The following ASAP1 variants were observed in gnomAD, a reference collection of about 807,000 sequenced individuals.
The protein encoded by ASAP1 is arf-GAP with SH3 domain, ANK repeat and PH domain-containing protein 1.
ASAP1 carries 43 observed loss-of-function variants against 145.2 expected under a neutral mutation model. The observed-to-expected ratio is 0.30, with a 90% CI of 0.23 to 0.38. The LOEUF (loss-of-function observed/expected upper bound fraction) is 0.38, where lower values mean the gene tolerates loss of function less well. Among genes scored for constraint, ASAP1 ranks in the 10% least tolerant of loss-of-function variants. The pLI is 1.00. For missense variants in ASAP1, 1,018 were observed against 1,355.3 expected (o/e 0.75, Z 3.91); for synonymous variants, 546 against 515.5 (o/e 1.06, Z -0.80).
At chr8:130,228,685 A>G (rs535624733) in intron 4 of ASAP1, among the ~76,000 whole-genome samples, 11 of 148,462 alleles carry the variant, frequency 7.4e-5, no homozygotes, top group Admixed American at 1.4e-4. Flanking sequence ...TGGGCAACAG[A>G]GTGAGACCCT....
intron 23 of ASAP1, among the ~76,000 whole-genome samples, chr8:130,114,700 T>C (rs977717496): frequency 6.6e-6 from 1 of 152,174 alleles, no homozygotes; most frequent in South Asian, 2.1e-4. Flanking sequence ...AATGTTATTA[T>C]ACAGTGCATG....
At chr8:130,264,867 T>C (rs1025267871) in intron 3 of ASAP1, among the ~76,000 whole-genome samples, 6 of 152,026 alleles carry the variant, frequency 3.9e-5, no homozygotes, top group Non-Finnish European at 8.8e-5. Flanking sequence ...AGGGAGAATG[T>C]CCTGGAGAAG....
chr8:130,241,457 T>A (rs1818523089), intron 3 of ASAP1, among the ~76,000 whole-genome samples: 1 of 152,132 alleles, frequency 6.6e-6, no homozygotes, highest in Non-Finnish European at 1.5e-5. Context: ...AGTCCTAGTG[T>A]CTAGCACACA....
intron 4 of ASAP1, among the ~76,000 whole-genome samples, chr8:130,232,530 T>C (rs1817966849): frequency 6.6e-6 from 1 of 152,138 alleles, no homozygotes; most frequent in South Asian, 2.1e-4. Context: ...TTGTGTTGTT[T>C]TTTAAAATGT....
chr8:130,316,528 T>C (rs2137602430), intron 3 of ASAP1, among the ~76,000 whole-genome samples: 1 of 152,370 alleles, frequency 6.6e-6, no homozygotes, highest in African/African-American at 2.4e-5. Flanking sequence ...TCAAATGTGG[T>C]CAATAAATAC....
intron 1 of ASAP1, among the ~76,000 whole-genome samples, chr8:130,420,634 C>G (rs1276274751): frequency 6.6e-6 from 1 of 152,108 alleles, no homozygotes; most frequent in Non-Finnish European, 1.5e-5. Flanking sequence ...TGGCTCACAC[C>G]TGTAATCCCA....
chr8:130,086,518 T>C lies in ASAP1; in HGVS notation c.2572+5455A>G, dbSNP rs6982661. Among the ~76,000 whole-genome samples the C allele has an allele frequency of 5.3e-3, 811 of 152,338 alleles. 7 individuals carry two copies. The highest frequency in any genetic ancestry group is 0.019 in the African/African-American group (784 of 41,590). On this transcript the variant is annotated intron_variant, in intron 25 of 29. Transcript: ENST00000518721. ...AAGCCATAAACCTGTATTAAGAATT[T>C]ATGGGCTGGGTGTGGTGGCTCATGC...
In ASAP1 at chr8:130,337,157, G is replaced by A. The variant is rs1014928323; in HGVS notation, c.186+20860C>T. Reference sequence around the variant, plus strand: ...AGCAAGAAAATAATGCCACAGGTTGGTAAAAGGGTGAGATTAATTCAAAAA... The same window carrying A: ...AGCAAGAAAATAATGCCACAGGTTGATAAAAGGGTGAGATTAATTCAAAAA... On this transcript the variant is annotated intron_variant, in intron 3 of 29. Coordinates refer to ENST00000518721, the MANE Select transcript of ASAP1 (RefSeq NM_018482.4). Among the ~76,000 whole-genome samples the A allele has an allele frequency of 3.3e-5, 5 of 152,204 alleles. No homozygotes were observed. In the East Asian group the frequency reaches 9.6e-4, roughly 29 times the overall value.
chr8:130,258,080 A>G (rs1262531329), intron 3 of ASAP1, among the ~76,000 whole-genome samples: 6 of 152,124 alleles, frequency 3.9e-5, no homozygotes, highest in Non-Finnish European at 8.8e-5. Context: ...ATCTGAACTC[A>G]CCTTTTTCCA....
intron 1 of ASAP1, among the ~76,000 whole-genome samples, chr8:130,423,539 T>C (rs577935526): frequency 2.6e-5 from 4 of 152,226 alleles, no homozygotes; most frequent in African/African-American, 9.6e-5. Context: ...AACCTAAATG[T>C]CCATTAAAAA....
At chr8:130,128,959 T>C (rs1166125087) in intron 15 of ASAP1, among the ~76,000 whole-genome samples, 1 of 152,220 alleles carries the variant, frequency 6.6e-6, no homozygotes, top group South Asian at 2.1e-4. Flanking sequence ...TCATCTTGAA[T>C]TGTTATCCCC....
intron 2 of ASAP1, among the ~76,000 whole-genome samples, chr8:130,395,099 C>T (rs1828466336): frequency 6.6e-6 from 1 of 152,184 alleles, no homozygotes; most frequent in Non-Finnish European, 1.5e-5. Flanking sequence ...GTCCCTGCCG[C>T]AGCACAAGAA....
intron 5 of ASAP1, among the ~76,000 whole-genome samples, chr8:130,209,070 T>C (rs916416471): frequency 1.2e-4 from 18 of 152,190 alleles, no homozygotes; most frequent in African/African-American, 3.6e-4. Context: ...AAGTCCCCTA[T>C]AGTGGCTATT....
At chr8:130,098,237 C>T (rs2135470188) in intron 24 of ASAP1, among the ~76,000 whole-genome samples, 1 of 152,350 alleles carries the variant, frequency 6.6e-6, no homozygotes, top group East Asian at 1.9e-4. Flanking sequence ...GCCAGACTCT[C>T]AGCCTTGACA....
intron 26 of ASAP1, among the ~76,000 whole-genome samples, chr8:130,076,679 C>T (rs2097463130): frequency 6.6e-6 from 1 of 152,064 alleles, no homozygotes; most frequent in African/African-American, 2.4e-5. Flanking sequence ...CACCACCACA[C>T]CCGGCTAATT....
intron 27 of ASAP1, among the ~76,000 whole-genome samples, chr8:130,068,831 C>T (rs989640864): frequency 2.6e-5 from 4 of 152,146 alleles, no homozygotes; most frequent in African/African-American, 2.4e-5. Flanking sequence ...GCTATTCACA[C>T]GCTGAACATG....
At chr8:130,176,559 T>C (rs943684079) in intron 9 of ASAP1, among the ~76,000 whole-genome samples, 11 of 152,166 alleles carry the variant, frequency 7.2e-5, no homozygotes, top group Non-Finnish European at 5.9e-5. Flanking sequence ...CTAGGGGACA[T>C]TCGTCTACCA....
chr8:130,371,220 G>GT (rs1031097150), intron 2 of ASAP1, among the ~76,000 whole-genome samples: 79 of 152,282 alleles, frequency 5.2e-4, no homozygotes, highest in African/African-American at 1.8e-3. Context: ...TTCTCCTCAT[G>GT]TTTAATAGAT....
At chr8:130,240,512 A>G (rs10956514) in intron 3 of ASAP1, among the ~76,000 whole-genome samples, 57,465 of 151,940 alleles carry the variant, frequency 0.38, 11,361 homozygotes, top group East Asian at 0.59. Flanking sequence ...CTGAAATGTC[A>G]TATATGTAAA....
Sources: allele counts gnomAD v4.1 joint callset (sites outside exome capture counted in the v4.1 genomes callset), GRCh38; gene constraint gnomAD v4.1.1; transcripts MANE v1.5; gene names NCBI Gene and HGNC (gene_info 2026-07-23, HGNC 2026-07-21).